PDZRN4: variants seen among roughly 807,000 people sequenced by gnomAD.
The protein encoded by PDZRN4 is PDZ domain containing ring finger 4.
Under a neutral mutation model 99.0 loss-of-function variants are expected in PDZRN4, and 70 were observed. The ratio of observed to expected loss-of-function variants is 0.71; its 90% CI spans 0.58 to 0.86. The LOEUF (loss-of-function observed/expected upper bound fraction) is 0.86, where lower values mean the gene tolerates loss of function less well. Ranked by LOEUF, PDZRN4 falls within the 40% of genes least tolerant of loss-of-function variation. PDZRN4 has a pLI of 0.00. For missense variants in PDZRN4, 1,474 were observed against 1,331.2 expected, an observed-to-expected ratio of 1.11 and a Z score of -1.67; for synonymous variants, 551 against 501.6, an observed-to-expected ratio of 1.10 and a Z score of -1.32.
intron 5 of PDZRN4, among the ~76,000 whole-genome samples, chr12:41,511,956 G>GAGCT (rs1938313770): frequency 6.6e-6 from 1 of 152,116 alleles, no homozygotes; most frequent in East Asian, 1.9e-4. Flanking sequence ...GCTCCTCTAG[G>GAGCT]AGCTTCCTTA....
intron 3 of PDZRN4, among the ~76,000 whole-genome samples, chr12:41,371,119 T>C (rs1952038320): frequency 6.7e-6 from 1 of 149,412 alleles, no homozygotes; most frequent in African/African-American, 2.4e-5. Context: ...TCTAGAGTAC[T>C]ATTATATATT....
intron 7 of PDZRN4, among the ~76,000 whole-genome samples, chr12:41,557,608 T>C (rs1386937255): frequency 6.6e-6 from 1 of 152,024 alleles, no homozygotes; most frequent in Non-Finnish European, 1.5e-5. Context: ...CTCTCCCTTG[T>C]TCAGGACAAC....
chr12:41,572,808 G>T lies in PDZRN4; in HGVS notation c.2029G>T (p.Glu677Ter). The T allele has an allele frequency of 1.2e-6, 2 of 1,614,150 alleles. No individual in the cohort carries two copies. The highest frequency in any genetic ancestry group is 1.7e-6 in the Non-Finnish European group (2 of 1,180,014). ...GCTTAATGAAGAACTGAGAAACATT[G>T]AGCTTGAGTGTCAGAATATCATGCA... ...QLLNEELRNI[E>*]LECQNIMQAH... The change falls in exon 10 of 10, where the codon GAG becomes TAG. Residue 677 changes from glutamate to a stop codon, truncating the protein, a stop_gained. Coordinates refer to ENST00000402685, the MANE Select transcript of PDZRN4 (RefSeq NM_001164595.2). LOFTEE classifies it high-confidence loss of function.
intron 3 of PDZRN4, among the ~76,000 whole-genome samples, chr12:41,382,270 G>C (rs1268048136): frequency 6.6e-6 from 1 of 152,154 alleles, no homozygotes; most frequent in Non-Finnish European, 1.5e-5. Flanking sequence ...TGGGCTCTAT[G>C]ATTGGTCAGA....
At chr12:41,348,573 A>G (rs1257750290) in intron 3 of PDZRN4, among the ~76,000 whole-genome samples, 1 of 152,120 alleles carries the variant, frequency 6.6e-6, no homozygotes, top group Admixed American at 6.6e-5. Context: ...ATGTAGTAGT[A>G]AAATTATTAA....
chr12:41,514,353 G>T (rs887088314), intron 5 of PDZRN4, among the ~76,000 whole-genome samples: 9 of 152,018 alleles, frequency 5.9e-5, no homozygotes, highest in African/African-American at 2.2e-4. Flanking sequence ...CTGAATATTT[G>T]TGAGACTTTA....
At chr12:41,458,747 G>A (rs759199459) in intron 3 of PDZRN4, among the ~76,000 whole-genome samples, 30 of 152,068 alleles carry the variant, frequency 2.0e-4, no homozygotes, top group South Asian at 2.1e-4. Flanking sequence ...AGAGACTAGA[G>A]GTCAATAGAA....
At chr12:41,238,328 C>A (rs1389598035) in intron 3 of PDZRN4, among the ~76,000 whole-genome samples, 1 of 151,992 alleles carries the variant, frequency 6.6e-6, no homozygotes, top group Non-Finnish European at 1.5e-5. Flanking sequence ...GATTTTGTAT[C>A]CTGAGACTTT....
At chr12:41,315,776 T>G (rs1456730079) in intron 3 of PDZRN4, among the ~76,000 whole-genome samples, 4 of 152,094 alleles carry the variant, frequency 2.6e-5, no homozygotes, top group African/African-American at 9.7e-5. Context: ...TTATACTCAT[T>G]TAAATTGTAT....
At chr12:41,427,624 A>T (rs1952547896) in intron 3 of PDZRN4, among the ~76,000 whole-genome samples, 1 of 152,206 alleles carries the variant, frequency 6.6e-6, no homozygotes, top group Admixed American at 6.5e-5. Flanking sequence ...ATTCTATATT[A>T]TCAGTTTCAC....
rs144308445 is a variant in PDZRN4 at position 41,573,075 on chromosome 12, C to T, written c.2296C>T (p.Leu766Phe). 2.3e-4 allele frequency: 372 copies of T among 1,614,042 alleles called. 1 individual carries two copies. The African/African-American group carries it at 4.7e-3, about 21-fold the overall frequency. The change falls in exon 10 of 10, where the codon CTC becomes TTC. Residue 766 changes from leucine (L) to phenylalanine (F), a missense_variant. Transcript: ENST00000402685. ...PDSSLPRVIN[L>F]TNKKNLRSTM... ...CAGTTCCCTTCCAAGGGTGATCAAC[C>T]TCACCAATAAGAAAAACCTGAGAAG... is the stretch of plus-strand genomic sequence containing the variant.
intron 3 of PDZRN4, among the ~76,000 whole-genome samples, chr12:41,231,689 T>C (rs771320514): frequency 6.6e-5 from 10 of 152,136 alleles, no homozygotes; most frequent in Non-Finnish European, 8.8e-5. Flanking sequence ...AGCTATTATT[T>C]TATAGGGCCC....
intron 3 of PDZRN4, among the ~76,000 whole-genome samples, chr12:41,316,510 G>A (rs935387930): frequency 6.0e-5 from 9 of 148,926 alleles, no homozygotes; most frequent in African/African-American, 2.0e-4. Context: ...AATAAAAACT[G>A]TAGCCCAGGA....
chr12:41,197,264 T>G (rs775237383), intron 3 of PDZRN4, among the ~76,000 whole-genome samples: 1 of 152,094 alleles, frequency 6.6e-6, no homozygotes, highest in Non-Finnish European at 1.5e-5. Context: ...TTTTATAAAC[T>G]CTAATAAATA....
intron 3 of PDZRN4, among the ~76,000 whole-genome samples, chr12:41,434,695 TA>T (rs1268033251): frequency 6.6e-6 from 1 of 152,202 alleles, no homozygotes; most frequent in Non-Finnish European, 1.5e-5. Flanking sequence ...TCACACAAAT[TA>T]AAGGCATTTA....
chr12:41,432,672 T>A (rs1952595120), intron 3 of PDZRN4, among the ~76,000 whole-genome samples: 1 of 152,200 alleles, frequency 6.6e-6, no homozygotes, highest in Admixed American at 6.5e-5. Context: ...GAGAAGTAAT[T>A]TGTGCCTTCA....
At chr12:41,413,465 T>C (rs1487057505) in intron 3 of PDZRN4, among the ~76,000 whole-genome samples, 2 of 152,132 alleles carry the variant, frequency 1.3e-5, no homozygotes, top group East Asian at 1.9e-4. Flanking sequence ...CACTGTAAGA[T>C]GACTATAGTT....
chr12:41,532,948 G>A (rs1409504999), intron 5 of PDZRN4, among the ~76,000 whole-genome samples: 1 of 151,956 alleles, frequency 6.6e-6, no homozygotes, highest in African/African-American at 2.4e-5. Flanking sequence ...ATTTATTGGG[G>A]ATAATGGTCT....
At chr12:41,337,027 G>C (rs1343291073) in intron 3 of PDZRN4, among the ~76,000 whole-genome samples, 1 of 152,118 alleles carries the variant, frequency 6.6e-6, no homozygotes, top group Non-Finnish European at 1.5e-5. Flanking sequence ...TAGCTAAACT[G>C]TTAGTCCTGC....
Sources: gnomAD v4.1 joint callset for allele counts (sites outside exome capture counted in the v4.1 genomes callset) on GRCh38, gnomAD v4.1.1 for gene constraint, MANE v1.5 for transcripts, NCBI Gene and HGNC (gene_info 2026-07-23, HGNC 2026-07-21) for gene names.